Variants in COL4A1 observed in about 807,000 individuals in gnomAD.
COL4A1 encodes collagen alpha-1(IV) chain.
Under a neutral mutation model 216.6 loss-of-function variants are expected in COL4A1, and 40 were observed. The observed-to-expected ratio is 0.18, with a 90% CI of 0.14 to 0.24. The LOEUF (loss-of-function observed/expected upper bound fraction) is 0.24. COL4A1 is among the 10% of genes least tolerant of loss of function. The pLI, the probability that COL4A1 is intolerant of heterozygous loss-of-function variation, is 1.00. For synonymous variants in COL4A1, 839 were observed against 810.7 expected (o/e 1.03, Z -0.59); for missense variants, 1,628 against 2,196.8 (o/e 0.74, Z 5.18).
chr13:110,240,783 C>T (rs1594081201), intron 2 of COL4A1, among the ~76,000 whole-genome samples: 1 of 152,242 alleles, frequency 6.6e-6, no homozygotes, highest in East Asian at 1.9e-4. Context: ...AGGCTACACC[C>T]TATCATTCTC....
At chr13:110,293,161 T>A (rs1884152365) in intron 1 of COL4A1, among the ~76,000 whole-genome samples, 1 of 152,090 alleles carries the variant, frequency 6.6e-6, no homozygotes, top group African/African-American at 2.4e-5. Flanking sequence ...GGGCTGGAGG[T>A]TTAGCCCTCC....
intron 24 of COL4A1, among the ~76,000 whole-genome samples, chr13:110,191,871 G>A (rs2139178733): frequency 6.6e-6 from 1 of 152,318 alleles, no homozygotes; most frequent in South Asian, 2.1e-4. Context: ...TGGCTGTGTG[G>A]GGGTGGCTCC....
chr13:110,178,152 C>T lies in COL4A1; in HGVS notation c.2538G>A (p.Gly846=), dbSNP rs375037032. 17 of 1,614,184 alleles carry T rather than the reference C, an allele frequency of 1.1e-5. No homozygotes were observed. The highest frequency in any genetic ancestry group is 1.4e-5 in the Non-Finnish European group (17 of 1,180,030). ...CCGTTATGCCAGGGAGTCCTTGAGC[C>T]CCTTTATCTCCTTTAGGGCCCGGCA... ...LDMPGPKGDK[G]AQGLPGITGQ... Residue 846 remains glycine (G), a synonymous_variant, in exon 32 of 52, where the codon GGG becomes GGA. Coordinates refer to ENST00000375820, the MANE Select transcript of COL4A1 (RefSeq NM_001845.6).
rs1032812961 is a variant in COL4A1 at position 110,268,219 on chromosome 13, C to T, written c.85-25485G>A. Among the ~76,000 whole-genome samples the T allele has an allele frequency of 7.9e-5, 12 of 152,204 alleles. No homozygotes were observed. The highest frequency in any genetic ancestry group is 1.3e-4 in the Non-Finnish European group (9 of 68,042). On this transcript the variant is annotated intron_variant, in intron 1 of 51. Coordinates refer to ENST00000375820, the MANE Select transcript of COL4A1 (RefSeq NM_001845.6). The surrounding 1 kb of genome is among the most constrained non-coding windows in gnomAD (Gnocchi z 4.1). Reference sequence around the variant, plus strand: ...ATGCCAACTGTGTCCTGCCTCAGAGCACCGGCACTGCCAGTCCAAAACCAG... The same window carrying T: ...ATGCCAACTGTGTCCTGCCTCAGAGTACCGGCACTGCCAGTCCAAAACCAG...
chr13:110,168,941 A>T (rs1877473103), intron 43 of COL4A1, among the ~76,000 whole-genome samples: 2 of 152,220 alleles, frequency 1.3e-5, no homozygotes, highest in Admixed American at 1.3e-4. Context: ...ACGTAAACAC[A>T]ATCCTTTAGC....
At chr13:110,238,133 T>G (rs1881405728) in intron 2 of COL4A1, among the ~76,000 whole-genome samples, 1 of 152,196 alleles carries the variant, frequency 6.6e-6, no homozygotes, top group South Asian at 2.1e-4. Context: ...TTATAGACAA[T>G]CTAATTAGTA....
At chr13:110,170,199 A>T (rs2139155552) in intron 42 of COL4A1, among the ~76,000 whole-genome samples, 1 of 152,174 alleles carries the variant, frequency 6.6e-6, no homozygotes, top group East Asian at 1.9e-4. Context: ...GCCTGCGGTC[A>T]GTGGTGCCCG....
Position 110,242,727 on chromosome 13 carries a change from C to T in COL4A1, c.92G>A (p.Cys31Tyr). 6.2e-7 allele frequency: 1 copy of T among 1,614,236 alleles called. No homozygotes were observed. Among genetic ancestry groups the T allele is most frequent in the Non-Finnish European group, 8.5e-7 (1 of 1,180,032 alleles). Residue 31 changes from cysteine (C) to tyrosine (Y), a missense_variant, in exon 2 of 52, where the codon TGT becomes TAT. Cys to Tyr is a radical substitution (Grantham distance 194). Coordinates refer to ENST00000375820, the MANE Select transcript of COL4A1 (RefSeq NM_001845.6). ...ACATTTGCCACAGCCAGAGCCAGCA[C>T]AGCCACCCTGGAAGGAAAAGAAAAC... ...EHSRAAAKGGCAGSGCGKCDC... is the reference protein window; with the variant it reads ...EHSRAAAKGGYAGSGCGKCDC...
chr13:110,220,126 C>A (rs1293208845), intron 2 of COL4A1, among the ~76,000 whole-genome samples: 1 of 151,814 alleles, frequency 6.6e-6, no homozygotes, highest in Non-Finnish European at 1.5e-5. Context: ...TTAGTAGAGA[C>A]GGGGTTTCGC....
rs550203971 is a variant in COL4A1, at chr13:110,169,892, G to A, written c.3743-130C>T. 1.6e-5 allele frequency: 18 copies of A among 1,150,548 alleles called. No individual in the cohort carries two copies. The African/African-American group carries it at 2.8e-4, about 18-fold the overall frequency. 71.3% of individuals were successfully genotyped at this position (1,150,548 alleles called of 1,614,324 possible). Reference sequence around the variant, plus strand: ...CACTGGACCAACAGTGACAACCCTTGAGACAGAAATCGAGGCAGGTCCAGG... The same window carrying A: ...CACTGGACCAACAGTGACAACCCTTAAGACAGAAATCGAGGCAGGTCCAGG... On this transcript the variant is annotated intron_variant, in intron 42 of 51. Coordinates refer to ENST00000375820, the MANE Select transcript of COL4A1 (RefSeq NM_001845.6).
chr13:110,291,236 C>T (rs887599189), intron 1 of COL4A1, among the ~76,000 whole-genome samples: 3 of 152,244 alleles, frequency 2.0e-5, no homozygotes, highest in Non-Finnish European at 4.4e-5. Context: ...CTTTGATCAT[C>T]TTCACGTTTT....
chr13:110,293,466 G>A (rs536091839), intron 1 of COL4A1, among the ~76,000 whole-genome samples: 1 of 152,142 alleles, frequency 6.6e-6, no homozygotes, highest in East Asian at 1.9e-4. Context: ...ACATCATATA[G>A]AACTAGAAAA....
intron 1 of COL4A1, chr13:110,266,234 A>G (rs1428478618): frequency 2.0e-5 from 3 of 152,212 alleles, no homozygotes; most frequent in Non-Finnish European, 4.4e-5. Context: ...CGGTCTCACA[A>G]TGGGCTCACA....
Position 110,256,267 on chromosome 13 carries a change from C to T in COL4A1, c.85-13533G>A, listed in dbSNP as rs78890687. 4.4e-3 allele frequency among the ~76,000 whole-genome samples: 672 copies of T among 151,986 alleles called. 5 individuals carry two copies. Among genetic ancestry groups the T allele is most frequent in the African/African-American group, 0.014 (583 of 41,420 alleles). ...TTCTACCTTCGGGCATATTCTAGTC[C>T]GGGGGGAAAAACACATCAAAAAAAC... On this transcript the variant is annotated intron_variant, in intron 1 of 51. Coordinates refer to ENST00000375820, the MANE Select transcript of COL4A1 (RefSeq NM_001845.6).
intron 26 of COL4A1, 123 bp from the exon 27 acceptor site, chr13:110,183,399 C>T (rs1172642927): frequency 8.0e-6 from 7 of 877,896 alleles, no homozygotes; most frequent in Non-Finnish European, 1.3e-5. Flanking sequence ...GCCCGGAGAG[C>T]AGAGCCTCTG....
At chr13:110,263,429 G>A (rs569374262) in intron 1 of COL4A1, among the ~76,000 whole-genome samples, 2 of 152,278 alleles carry the variant, frequency 1.3e-5, no homozygotes, top group East Asian at 3.9e-4. Flanking sequence ...GCATTAAAAT[G>A]AGCAAGCTGC....
chr13:110,215,812 C>T (rs916181962), intron 2 of COL4A1, among the ~76,000 whole-genome samples: 4 of 152,212 alleles, frequency 2.6e-5, no homozygotes, highest in African/African-American at 9.7e-5. Flanking sequence ...CACCACATAA[C>T]ATAAACATCC....
chr13:110,257,338 T>C (rs545509423), intron 1 of COL4A1, among the ~76,000 whole-genome samples: 1 of 152,276 alleles, frequency 6.6e-6, no homozygotes, highest in East Asian at 1.9e-4. Context: ...CCATGCGACA[T>C]CCTTCCAAGG....
intron 2 of COL4A1, among the ~76,000 whole-genome samples, chr13:110,216,798 C>T (rs961634423): frequency 1.2e-4 from 18 of 152,142 alleles, no homozygotes; most frequent in East Asian, 1.9e-4. Flanking sequence ...CCCAAGGTAC[C>T]GACCCTTCTA....
Sources: allele counts gnomAD v4.1 joint callset (sites outside exome capture counted in the v4.1 genomes callset), GRCh38; gene constraint gnomAD v4.1.1; non-coding constraint Gnocchi (gnomAD v3.1); transcripts MANE v1.5; gene names NCBI Gene and HGNC (gene_info 2026-07-23, HGNC 2026-07-21).